Variants in RFC1 observed in about 807,000 individuals in gnomAD.
RFC1 encodes the protein replication factor C subunit 1, also known as A1 140 kDa subunit.
A neutral mutation model predicts 137.4 loss-of-function variants in RFC1; 37 were observed. That is an observed-to-expected ratio of 0.27 (90% confidence interval 0.21 to 0.35). RFC1 has a LOEUF of 0.35. Ranked by LOEUF, RFC1 falls within the 10% of genes least tolerant of loss-of-function variation. The probability of loss-of-function intolerance (pLI) is 1.00; values close to 1 mark genes in which losing one functional copy is unlikely to be tolerated. For missense variants in RFC1, 1,205 were observed against 1,358.5 expected, an observed-to-expected ratio of 0.89 and a Z score of 1.78; for synonymous variants, 429 against 455.7, an observed-to-expected ratio of 0.94 and a Z score of 0.75.
intron 12 of RFC1, among the ~76,000 whole-genome samples, chr4:39,311,238 C>T (rs1738946507): frequency 6.6e-6 from 1 of 152,130 alleles, no homozygotes; most frequent in Non-Finnish European, 1.5e-5. Flanking sequence ...TTTCTCTACT[C>T]ATATTCCCTG....
At chr4:39,310,139 A>C (rs1228656592) in intron 12 of RFC1, among the ~76,000 whole-genome samples, 1 of 152,150 alleles carries the variant, frequency 6.6e-6, no homozygotes, top group Admixed American at 6.6e-5. Context: ...AAAAGGCATA[A>C]CCTCAACCTA....
At position 39,365,005 on chromosome 4, in the gene RFC1, A is replaced by G. The variant is rs147120963; in HGVS notation, c.3+1234T>C. 2.8e-3 allele frequency among the ~76,000 whole-genome samples: 432 copies of G among 152,236 alleles called. 2 individuals carry two copies. The highest frequency in any genetic ancestry group is 6.8e-3 in the Middle Eastern group (2 of 294). On this transcript the variant is annotated intron_variant, in intron 1 of 24. Coordinates refer to ENST00000349703, the MANE Select transcript of RFC1 (RefSeq NM_002913.5). ...CTTTGGCCTCCAAAATGTAATGATG[A>G]TCATTATAGGGAAGTAGTATAACAT...
chr4:39,332,302 C>T (rs1740142231), intron 4 of RFC1, among the ~76,000 whole-genome samples: 1 of 152,114 alleles, frequency 6.6e-6, no homozygotes, highest in African/African-American at 2.4e-5. Flanking sequence ...TAGTTTCTAC[C>T]TCCTCTCCAC....
chr4:39,322,415 A>T, intron 7 of RFC1: 3 of 152,252 alleles, frequency 2.0e-5, no homozygotes. Flanking sequence ...AAAAAAAAAG[A>T]AAGAAAAAGA....
rs781161283 is a variant in RFC1 at position 39,295,628 on chromosome 4, C to T, written c.2940G>A (p.Leu980=). The T allele has an allele frequency of 1.2e-6, 2 of 1,607,212 alleles. No individual in the cohort carries two copies. Among genetic ancestry groups the T allele is most frequent in the South Asian group, 1.1e-5 (1 of 89,642 alleles). The change falls in exon 22 of 25, where the codon TTG becomes TTA. Residue 980 remains leucine, a synonymous_variant. Coordinates refer to ENST00000349703, the MANE Select transcript of RFC1 (RefSeq NM_002913.5). ...KHDRIVQDLA[L]HMSLRTYSSK... is the part of the protein sequence containing the mutation. ...ATCCCACCTACCTGAGACTCATATG[C>T]AAGGCCAGGTCCTGAACAATACGAT...
chr4:39,327,851 G>T, intron 4 of RFC1, 95 bp from the exon 5 acceptor site: 1 of 937,776 alleles, frequency 1.1e-6, no homozygotes, highest in Non-Finnish European at 1.6e-6. Flanking sequence ...TATACAAGAG[G>T]CTAGACATGG....
At chr4:39,301,414 C>T (rs1470323337) in intron 19 of RFC1, among the ~76,000 whole-genome samples, 1 of 152,164 alleles carries the variant, frequency 6.6e-6, no homozygotes, top group Non-Finnish European at 1.5e-5. Context: ...AGAGGGAATG[C>T]TAATGTCAAC....
intron 1 of RFC1, 73 bp from the exon 2 acceptor site, chr4:39,351,549 G>A (rs1336200466): frequency 3.0e-6 from 4 of 1,339,850 alleles, no homozygotes; most frequent in Non-Finnish European, 4.0e-6. Flanking sequence ...TGTAAGATGG[G>A]ACAGCTTTAT....
At chr4:39,337,582 TA>T (rs1304027038) in intron 4 of RFC1, among the ~76,000 whole-genome samples, 2 of 152,110 alleles carry the variant, frequency 1.3e-5, no homozygotes, top group African/African-American at 4.8e-5. Flanking sequence ...ATTGATTTTT[TA>T]ACAAGTATAA....
chr4:39,330,489 GC>G (rs945574395), intron 4 of RFC1, among the ~76,000 whole-genome samples: 15 of 151,886 alleles, frequency 9.9e-5, no homozygotes, highest in Non-Finnish European at 1.9e-4. Context: ...CCCTCCAAGG[GC>G]CTCCAAAAAC....
Position 39,302,827 on chromosome 4 carries a change from C to T in RFC1, c.2250G>A (p.Met750Ile), listed in dbSNP as rs1738434361. 1 of 1,594,376 alleles carries T rather than the reference C, an allele frequency of 6.3e-7. No individual in the cohort carries two copies. Among genetic ancestry groups the T allele is most frequent in the Non-Finnish European group, 8.5e-7 (1 of 1,172,730 alleles). ...TCTTGGGATGATTTCTATCATTGCACATACAAATAATGGGAATTTTAGTAT... is the reference window on the plus strand; with the variant it reads ...TCTTGGGATGATTTCTATCATTGCATATACAAATAATGGGAATTTTAGTAT... ...IKHTKIPIIC[M>I]CNDRNHPKIR... Residue 750 changes from methionine to isoleucine, a missense_variant, in exon 17 of 25, where the codon ATG (methionine) becomes ATA (isoleucine). Around this residue, in one of 3 missense-constraint regions of RFC1, gnomAD observed 962 missense variants for 1,035.3 expected, o/e 0.93. Transcript: ENST00000349703.
rs758666616 is a variant in RFC1, at chr4:39,289,933, G to A, written c.3275C>T (p.Ser1092Leu). The change falls in exon 24 of 25, where the codon TCG becomes TTG. Residue 1092 changes from serine (S) to leucine (L), a missense_variant. Around this residue, in one of 3 missense-constraint regions of RFC1, gnomAD observed 237 missense variants for 304.2 expected, o/e 0.78. Transcript: ENST00000349703. ...TTCATTTAATTCTTCATTGTATTCC[G>A]AATCCAGGGATGGGCTTGTGCTGTG... ...SRHSTSPSLD[S>L]EYNEELNEDD... 8.1e-6 allele frequency: 13 copies of A among 1,612,578 alleles called. No homozygotes were observed. Among genetic ancestry groups the A allele is most frequent in the East Asian group, 2.2e-5 (1 of 44,864 alleles).
chr4:39,298,713 T>A lies in RFC1; in HGVS notation c.2808+1308A>T, dbSNP rs28704485. On this transcript the variant is annotated intron_variant, in intron 21 of 24. Coordinates refer to ENST00000349703, the MANE Select transcript of RFC1 (RefSeq NM_002913.5). ...CCAAAAATAAAAAAACAAGGATTCT[T>A]AAGGTAAAACACAGCAAATGAAACT... is the stretch of plus-strand genomic sequence containing the variant. 6.4e-3 allele frequency among the ~76,000 whole-genome samples: 976 copies of A among 152,338 alleles called. 16 individuals are homozygous for A. The highest frequency in any genetic ancestry group is 0.022 in the African/African-American group (921 of 41,576).
chr4:39,323,694 T>C (rs1739629221), intron 6 of RFC1, among the ~76,000 whole-genome samples: 1 of 152,226 alleles, frequency 6.6e-6, no homozygotes, highest in Non-Finnish European at 1.5e-5. Context: ...ACATGAGGTC[T>C]GTACTTTTCT....
chr4:39,290,020 C>T lies in RFC1; in HGVS notation c.3188G>A (p.Arg1063Lys). ...AAGGTGGGCTTCCTTATTGTAAGCTCTTGTGAAGGCTGCTTTCACCTATAT... is the reference window on the plus strand; with the variant it reads ...AAGGTGGGCTTCCTTATTGTAAGCTTTTGTGAAGGCTGCTTTCACCTATAT... ...LDPKVKAAFTRAYNKEAHLTP... is the reference protein window; with the variant it reads ...LDPKVKAAFTKAYNKEAHLTP... The change falls in exon 24 of 25, where the codon AGA (arginine) becomes AAA (lysine). Residue 1063 changes from arginine to lysine, a missense_variant. Arg to Lys is a conservative substitution (Grantham distance 26, BLOSUM62 2). Coordinates refer to ENST00000349703, the MANE Select transcript of RFC1 (RefSeq NM_002913.5). The T allele has an allele frequency of 6.2e-7, 1 of 1,612,614 alleles. No homozygotes were observed. Among genetic ancestry groups the T allele is most frequent in the Non-Finnish European group, 8.5e-7 (1 of 1,179,200 alleles).
Position 39,320,556 on chromosome 4 carries a change from C to T in RFC1, c.922G>A (p.Gly308Arg). ...QHSKSSADKI[G>R]EVSSPKASSK... ...CTGGCCTTGGGAGAAGAGACTTCTC[C>T]TATTTTGTCAGCTGATGACTTGGAA... Residue 308 changes from glycine (G) to arginine (R), a missense_variant, in exon 9 of 25, where the codon GGA (glycine) becomes AGA (arginine). By Grantham distance (125) the Gly-to-Arg change is moderately radical. Around this residue, in one of 3 missense-constraint regions of RFC1, gnomAD observed 962 missense variants for 1,035.3 expected, o/e 0.93. Coordinates refer to ENST00000349703, the MANE Select transcript of RFC1 (RefSeq NM_002913.5). The T allele has an allele frequency of 6.2e-7, 1 of 1,613,674 alleles. No homozygotes were observed.
chr4:39,325,846 C>G (rs887078046), intron 6 of RFC1, among the ~76,000 whole-genome samples: 4 of 152,246 alleles, frequency 2.6e-5, no homozygotes, highest in African/African-American at 9.6e-5. Context: ...TGCTTTTGAT[C>G]TTGCCCCCAC....
Position 39,327,732 on chromosome 4 carries a change from T to G in RFC1, c.356A>C (p.Lys119Thr). Reference sequence around the variant, plus strand: ...CTCTTTTGATTTAGAGGCCGCCTTCTTACACATAAAGTCATCTTCTTCATC... The same window carrying G: ...CTCTTTTGATTTAGAGGCCGCCTTCGTACACATAAAGTCATCTTCTTCATC... ...ETDEEDDFMC[K>T]KAASKSKENG... The change falls in exon 5 of 25, where the codon AAG becomes ACG. Residue 119 changes from lysine (K) to threonine (T), a missense_variant. Lys to Thr is a moderately conservative substitution (Grantham distance 78, BLOSUM62 -1). Coordinates refer to ENST00000349703, the MANE Select transcript of RFC1 (RefSeq NM_002913.5). 6.2e-7 allele frequency: 1 copy of G among 1,608,158 alleles called. No homozygotes were observed. The highest frequency in any genetic ancestry group is 1.3e-5 in the African/African-American group (1 of 74,768).
chr4:39,299,899 A>T, intron 21 of RFC1, 122 bp downstream of exon 21: 1 of 660,316 alleles, frequency 1.5e-6, no homozygotes, highest in Non-Finnish European at 2.6e-6. Context: ...CGGGCAACAG[A>T]GCGAGACTCG....
Sources: gnomAD v4.1 joint callset for allele counts (sites outside exome capture counted in the v4.1 genomes callset) on GRCh38, gnomAD v4.1.1 for gene constraint, gnomAD v4.1.1 regional missense constraint, MANE v1.5 for transcripts, NCBI Gene and HGNC (gene_info 2026-07-23, HGNC 2026-07-21) for gene names.